The following ADCY2 variants were observed in gnomAD, a reference collection of about 807,000 sequenced individuals.
ADCY2 encodes adenylate cyclase 2, also known as adenylate cyclase type 2.
A neutral mutation model predicts 125.2 loss-of-function variants in ADCY2; 31 were observed. That is an observed-to-expected ratio of 0.25 (90% confidence interval 0.19 to 0.33). ADCY2 has a LOEUF of 0.33. Among genes scored for constraint, ADCY2 ranks in the 10% least tolerant of loss-of-function variants. The pLI is 1.00. For missense variants in ADCY2, 904 were observed against 1,418.2 expected (o/e 0.64, Z 5.82); for synonymous variants, 512 against 548.4 (o/e 0.93, Z 0.93).
chr5:7,758,649 G>C (rs1199908738), intron 16 of ADCY2, among the ~76,000 whole-genome samples: 1 of 152,190 alleles, frequency 6.6e-6, no homozygotes, highest in East Asian at 1.9e-4. Flanking sequence ...AGGAGTAGGA[G>C]ACAGACAGCT....
intron 9 of ADCY2, among the ~76,000 whole-genome samples, chr5:7,708,965 T>C (rs985424402): frequency 6.6e-6 from 1 of 152,178 alleles, no homozygotes; most frequent in Non-Finnish European, 1.5e-5. Context: ...TAATAAAAAA[T>C]GTCCATTAAC....
intron 2 of ADCY2, among the ~76,000 whole-genome samples, chr5:7,501,134 A>ATTTTTTT (rs1233056378): frequency 1.5e-4 from 22 of 147,144 alleles, no homozygotes; most frequent in South Asian, 4.2e-4. Context: ...TTTTTTTTAA[A>ATTTTTTT]AAAAAAAAAA....
At chr5:7,535,136 G>A (rs761325045) in intron 3 of ADCY2, among the ~76,000 whole-genome samples, 4 of 152,164 alleles carry the variant, frequency 2.6e-5, no homozygotes, top group Non-Finnish European at 5.9e-5. Flanking sequence ...CGCCTCTCAG[G>A]TACAAGTGAT....
chr5:7,789,828 G>T, intron 20 of ADCY2, 28 bp downstream of exon 20: 2 of 1,451,964 alleles, frequency 1.4e-6, no homozygotes, highest in Non-Finnish European at 9.2e-7. Context: ...GGGGGCTGGG[G>T]GAGGGGGCTG....
In ADCY2 at chr5:7,489,449, G is replaced by A. The variant is rs576184129; in HGVS notation, c.409-31289G>A. Among the ~76,000 whole-genome samples, 9 of 152,248 alleles carry A rather than the reference G, an allele frequency of 5.9e-5. No homozygotes were observed. The South Asian group carries it at 1.9e-3, about 32-fold the overall frequency. Reference sequence around the variant, plus strand: ...TCCTCATCTCTTGGCTCATCCTGGGGCCACTGCTGGGTCATCTTGGCATGA... The same window carrying A: ...TCCTCATCTCTTGGCTCATCCTGGGACCACTGCTGGGTCATCTTGGCATGA... On this transcript the variant is annotated intron_variant, in intron 2 of 24. Coordinates refer to ENST00000338316, the MANE Select transcript of ADCY2 (RefSeq NM_020546.3).
chr5:7,663,231 C>CA (rs1016520165), intron 4 of ADCY2, among the ~76,000 whole-genome samples: 7 of 151,976 alleles, frequency 4.6e-5, no homozygotes, highest in Non-Finnish European at 7.4e-5. Context: ...TTAGCCACAC[C>CA]AAAAAAAAGG....
chr5:7,624,621 C>T (rs1028676799), intron 3 of ADCY2, among the ~76,000 whole-genome samples: 7 of 152,284 alleles, frequency 4.6e-5, no homozygotes, highest in Admixed American at 3.9e-4. Flanking sequence ...CTGTCCTCCC[C>T]CACCGCATAG....
chr5:7,784,529 T>A, intron 19 of ADCY2, 80 bp downstream of exon 19: 1 of 1,056,618 alleles, frequency 9.5e-7, no homozygotes, highest in Non-Finnish European at 1.4e-6. Flanking sequence ...GCATTGTAGT[T>A]AATCTTCTTG....
At chr5:7,784,548 C>T (rs1032041551) in intron 19 of ADCY2, 99 bp downstream of exon 19, 12 of 836,952 alleles carry the variant, frequency 1.4e-5, no homozygotes, top group African/African-American at 1.2e-4. Flanking sequence ...TGGAAACAAA[C>T]GTCTAAGAAT....
intron 14 of ADCY2, among the ~76,000 whole-genome samples, chr5:7,741,278 C>G (rs2126427010): frequency 6.6e-6 from 1 of 152,082 alleles, no homozygotes; most frequent in Admixed American, 6.5e-5. Context: ...GACATAAATC[C>G]AGACAACATC....
chr5:7,586,050 ATCAT>A (rs1449384754), intron 3 of ADCY2, among the ~76,000 whole-genome samples: 1 of 152,236 alleles, frequency 6.6e-6, no homozygotes, highest in Non-Finnish European at 1.5e-5. Flanking sequence ...GTGAAAATAC[ATCAT>A]TCATTTCATT....
chr5:7,396,164 A>T lies in ADCY2; in HGVS notation c.-133A>T. The T allele has an allele frequency of 4.5e-6, 1 of 223,888 alleles. No individual in the cohort carries two copies. Among genetic ancestry groups the T allele is most frequent in the Non-Finnish European group, 7.1e-6 (1 of 141,148 alleles). 13.9% of individuals were successfully genotyped at this position (223,888 alleles called of 1,614,324 possible). ...GGGCGCCGAGCTCCGCCCGCGCCGGAGGCCCCTGCGCGCAGCTCCGGGTGC... is the reference window on the plus strand; with the variant it reads ...GGGCGCCGAGCTCCGCCCGCGCCGGTGGCCCCTGCGCGCAGCTCCGGGTGC... On this transcript the variant is annotated 5_prime_UTR_variant, in exon 1 of 25. Coordinates refer to ENST00000338316, the MANE Select transcript of ADCY2 (RefSeq NM_020546.3). The surrounding 1 kb of genome is among the most constrained non-coding windows in gnomAD (Gnocchi z 5.7).
intron 16 of ADCY2, among the ~76,000 whole-genome samples, chr5:7,761,643 A>G (rs1387820876): frequency 6.6e-6 from 1 of 152,166 alleles, no homozygotes; most frequent in Non-Finnish European, 1.5e-5. Context: ...TAAATAAGAA[A>G]CGATTTCTTT....
At chr5:7,472,262 A>G (rs1034869518) in intron 2 of ADCY2, among the ~76,000 whole-genome samples, 2 of 152,114 alleles carry the variant, frequency 1.3e-5, no homozygotes, top group Admixed American at 1.3e-4. Flanking sequence ...TGATTAGCCT[A>G]TTTTGATTTC....
chr5:7,674,833 G>A (rs2914306), intron 4 of ADCY2, among the ~76,000 whole-genome samples: 27,894 of 152,142 alleles, frequency 0.18, 2,881 homozygotes, highest in Admixed American at 0.33. Flanking sequence ...GGCTGTAGTG[G>A]TGAATTTCCT....
intron 2 of ADCY2, among the ~76,000 whole-genome samples, chr5:7,463,423 A>T (rs1389787386): frequency 6.6e-6 from 1 of 152,116 alleles, no homozygotes; most frequent in African/African-American, 2.4e-5. Context: ...TGAAATAATT[A>T]TTATAAGTCC....
Position 7,768,036 on chromosome 5 carries a change from GA to G in ADCY2, c.2214+1241del, listed in dbSNP as rs11388337. 1.8e-3 allele frequency among the ~76,000 whole-genome samples: 260 copies of G among 147,118 alleles called. 2 individuals carry two copies. The highest frequency in any genetic ancestry group is 5.8e-3 in the African/African-American group (231 of 40,082). Reference sequence around the variant, plus strand: ...ACAGAGTGAGATTCTGTCTCAAAAAGAAAAAAAAAAAGAAGTGGCTTCTGGT... The same window carrying G: ...ACAGAGTGAGATTCTGTCTCAAAAAGAAAAAAAAAAGAAGTGGCTTCTGGT... On this transcript the variant is annotated intron_variant, in intron 17 of 24. Transcript: ENST00000338316.
intron 16 of ADCY2, among the ~76,000 whole-genome samples, chr5:7,761,042 C>A (rs980758710): frequency 6.6e-6 from 1 of 151,908 alleles, no homozygotes; most frequent in Non-Finnish European, 1.5e-5. Context: ...TAATGTTCTG[C>A]ATATCCATCT....
At chr5:7,417,871 A>G (rs561901266) in intron 2 of ADCY2, among the ~76,000 whole-genome samples, 17 of 152,344 alleles carry the variant, frequency 1.1e-4, no homozygotes, top group African/African-American at 3.4e-4. Flanking sequence ...TACCCTTAGC[A>G]GAATGCTGTC....
Sources: gnomAD v4.1 joint callset for allele counts (sites outside exome capture counted in the v4.1 genomes callset) on GRCh38, gnomAD v4.1.1 for gene constraint, Gnocchi (gnomAD v3.1) non-coding constraint, MANE v1.5 for transcripts, NCBI Gene and HGNC (gene_info 2026-07-23, HGNC 2026-07-21) for gene names.